LHFPL3: variants seen among roughly 807,000 people sequenced by gnomAD.
LHFPL3 encodes LHFPL tetraspan subfamily member 3 protein.
A neutral mutation model predicts 19.3 loss-of-function variants in LHFPL3; 5 were observed. The observed-to-expected ratio is 0.26, with a 90% CI of 0.14 to 0.54. The LOEUF (loss-of-function observed/expected upper bound fraction) is 0.54, where lower values mean the gene tolerates loss of function less well. Among genes scored for constraint, LHFPL3 ranks in the 20% least tolerant of loss-of-function variants. LHFPL3 has a pLI of 0.94. For synonymous variants in LHFPL3, 133 were observed against 126.2 expected, an observed-to-expected ratio of 1.05 and a Z score of -0.36; for missense variants, 249 against 307.4, an observed-to-expected ratio of 0.81 and a Z score of 1.42.
intron 1 of LHFPL3, among the ~76,000 whole-genome samples, chr7:104,625,055 C>A (rs1791517215): frequency 6.6e-6 from 1 of 152,140 alleles, no homozygotes; most frequent in African/African-American, 2.4e-5. Flanking sequence ...TGACACCTGC[C>A]TGTAGGTTAT....
At chr7:104,529,700 T>C (rs994534990) in intron 1 of LHFPL3, among the ~76,000 whole-genome samples, 1 of 152,024 alleles carries the variant, frequency 6.6e-6, no homozygotes, top group Non-Finnish European at 1.5e-5. Flanking sequence ...AGAAACTAAT[T>C]GAAGGGGTGT....
chr7:104,886,944 G>A (rs564509148), intron 2 of LHFPL3, among the ~76,000 whole-genome samples: 126 of 152,356 alleles, frequency 8.3e-4, no homozygotes, highest in African/African-American at 3.0e-3. Flanking sequence ...AGGGTCAAGG[G>A]AAAGGAAGAC....
intron 1 of LHFPL3, among the ~76,000 whole-genome samples, chr7:104,468,582 A>G (rs974377389): frequency 9.2e-5 from 14 of 152,108 alleles, no homozygotes; most frequent in Non-Finnish European, 1.8e-4. Flanking sequence ...TGAGAGTTGC[A>G]TACAGCATAT....
At chr7:104,618,467 T>A (rs1349110152) in intron 1 of LHFPL3, among the ~76,000 whole-genome samples, 1 of 152,216 alleles carries the variant, frequency 6.6e-6, no homozygotes, top group Non-Finnish European at 1.5e-5. Context: ...GATTCAAGCC[T>A]AGGCAGTCTG....
chr7:104,380,869 A>G (rs1020431326), intron 1 of LHFPL3, among the ~76,000 whole-genome samples: 2 of 152,180 alleles, frequency 1.3e-5, no homozygotes, highest in African/African-American at 2.4e-5. Flanking sequence ...ACAAAAAGCA[A>G]GAAAGTAGAA....
intron 1 of LHFPL3, among the ~76,000 whole-genome samples, chr7:104,442,677 G>A (rs1792250321): frequency 6.6e-6 from 1 of 152,166 alleles, no homozygotes; most frequent in Non-Finnish European, 1.5e-5. Context: ...CATCTGACCA[G>A]GCAATGTTTA....
At chr7:104,570,961 TA>T (rs1212946332) in intron 1 of LHFPL3, among the ~76,000 whole-genome samples, 1 of 152,228 alleles carries the variant, frequency 6.6e-6, no homozygotes, top group Admixed American at 6.5e-5. Flanking sequence ...TATTATTTTG[TA>T]AAGACTCAGA....
intron 2 of LHFPL3, among the ~76,000 whole-genome samples, chr7:104,882,438 A>G (rs1416296127): frequency 6.6e-6 from 1 of 152,046 alleles, no homozygotes; most frequent in East Asian, 1.9e-4. Context: ...AGTAGAGACA[A>G]GGTTTCATCA....
chr7:104,415,818 G>A (rs6978267), intron 1 of LHFPL3, among the ~76,000 whole-genome samples: 22,688 of 152,140 alleles, frequency 0.15, 1,767 homozygotes, highest in Middle Eastern at 0.19. Flanking sequence ...CTACTAGAAT[G>A]TTCGGAAGGG....
At chr7:104,765,739 C>A (rs1166352527) in intron 2 of LHFPL3, among the ~76,000 whole-genome samples, 1 of 152,186 alleles carries the variant, frequency 6.6e-6, no homozygotes, top group Non-Finnish European at 1.5e-5. Context: ...CAGAGCAGAG[C>A]CCCATGATAG....
At chr7:104,439,509 A>G (rs377590803) in intron 1 of LHFPL3, among the ~76,000 whole-genome samples, 4 of 152,298 alleles carry the variant, frequency 2.6e-5, no homozygotes, top group East Asian at 3.9e-4. Flanking sequence ...AAATCATACA[A>G]TGTAACTTAT....
chr7:104,585,519 A>G (rs1790556304), intron 1 of LHFPL3, among the ~76,000 whole-genome samples: 1 of 150,336 alleles, frequency 6.7e-6, no homozygotes, highest in South Asian at 2.1e-4. Context: ...ACACACACAC[A>G]CACGGCCTTG....
chr7:104,518,942 T>C (rs1330050663), intron 1 of LHFPL3, among the ~76,000 whole-genome samples: 1 of 152,100 alleles, frequency 6.6e-6, no homozygotes, highest in African/African-American at 2.4e-5. Context: ...ATCTGAAAAA[T>C]GTGAAAGGGG....
At chr7:104,730,633 T>C (rs558469396) in intron 1 of LHFPL3, among the ~76,000 whole-genome samples, 1 of 152,320 alleles carries the variant, frequency 6.6e-6, no homozygotes, top group Non-Finnish European at 1.5e-5. Flanking sequence ...TCTTTGTAGA[T>C]TCTGGATATT....
intron 2 of LHFPL3, among the ~76,000 whole-genome samples, chr7:104,741,482 C>G (rs1793936041): frequency 1.4e-5 from 2 of 139,818 alleles, no homozygotes; most frequent in South Asian, 4.5e-4. Context: ...AAAAAAAAAG[C>G]CCCACTGAAA....
chr7:104,702,647 A>G (rs1793124557), intron 1 of LHFPL3, among the ~76,000 whole-genome samples: 1 of 152,234 alleles, frequency 6.6e-6, no homozygotes, highest in African/African-American at 2.4e-5. Flanking sequence ...GAAAGCTCTA[A>G]TAATTTTGCC....
intron 1 of LHFPL3, among the ~76,000 whole-genome samples, chr7:104,675,166 T>A (rs1044129567): frequency 6.6e-6 from 1 of 152,200 alleles, no homozygotes; most frequent in African/African-American, 2.4e-5. Context: ...TCTAAGAAGG[T>A]AACATCTGAG....
chr7:104,829,388 C>G (rs6466025), intron 2 of LHFPL3, among the ~76,000 whole-genome samples: 150,833 of 151,792 alleles, frequency 0.99, 74,956 homozygotes, highest in Middle Eastern at 1. Flanking sequence ...GTGCAAATTA[C>G]TTACATATGT....
intron 2 of LHFPL3, among the ~76,000 whole-genome samples, chr7:104,855,621 TTTTC>T (rs561304148): frequency 1.4e-3 from 180 of 124,206 alleles, no homozygotes; most frequent in African/African-American, 4.3e-3. Flanking sequence ...AACTCCAGAT[TTTTC>T]TTTCTTTTTT....
Sources: gnomAD v4.1 joint callset for allele counts (sites outside exome capture counted in the v4.1 genomes callset) on GRCh38, gnomAD v4.1.1 for gene constraint, MANE v1.5 for transcripts, NCBI Gene and HGNC (gene_info 2026-07-23, HGNC 2026-07-21) for gene names.